Variants in CHSY3 observed in about 807,000 individuals in gnomAD.
CHSY3 encodes chondroitin sulfate synthase 3, also known as N-acetylgalactosaminyl-proteoglycan 3-beta-glucuronosyltransferase 3.
In CHSY3, 35 loss-of-function variants were observed where a neutral mutation model predicts 67.2. The observed-to-expected ratio is 0.52, with a 90% CI of 0.40 to 0.69. The LOEUF (loss-of-function observed/expected upper bound fraction) is 0.69. Among genes scored for constraint, CHSY3 ranks in the 30% least tolerant of loss-of-function variants. The pLI, the probability that CHSY3 is intolerant of heterozygous loss-of-function variation, is 0.00. For missense variants in CHSY3, 1,069 were observed against 1,138.5 expected (o/e 0.94, Z 0.88); for synonymous variants, 474 against 434.7 (o/e 1.09, Z -1.12).
Position 129,991,047 on chromosome 5 carries a change from A to G in CHSY3, c.1086+82687A>G, listed in dbSNP as rs916165548. Among the ~76,000 whole-genome samples the G allele has an allele frequency of 3.9e-5, 6 of 152,172 alleles. No individual in the cohort carries two copies. In the South Asian group the frequency reaches 8.3e-4, roughly 21 times the overall value. On this transcript the variant is annotated intron_variant, in intron 2 of 2. Transcript: ENST00000305031. ...TAGAGCACCAAGGTGAGAGATCACA[A>G]GGAGACAGAAAGTAGATCATTAGAA...
chr5:130,015,557 G>C (rs1314438238), intron 2 of CHSY3, among the ~76,000 whole-genome samples: 2 of 152,192 alleles, frequency 1.3e-5, no homozygotes, highest in African/African-American at 4.8e-5. Flanking sequence ...ACATGAGTCA[G>C]AATGCCTATT....
chr5:130,149,376 T>C (rs1769168625), intron 2 of CHSY3, among the ~76,000 whole-genome samples: 1 of 152,150 alleles, frequency 6.6e-6, no homozygotes, highest in African/African-American at 2.4e-5. Context: ...TGTAAACTTA[T>C]AATTATGGCA....
intron 2 of CHSY3, among the ~76,000 whole-genome samples, chr5:130,121,395 G>A (rs1247552035): frequency 1.3e-5 from 2 of 152,134 alleles, no homozygotes; most frequent in Non-Finnish European, 2.9e-5. Context: ...ATGATGCCAA[G>A]TAAAGGTAAA....
intron 2 of CHSY3, among the ~76,000 whole-genome samples, chr5:130,012,108 T>C (rs1225545614): frequency 6.6e-6 from 1 of 152,152 alleles, no homozygotes; most frequent in Non-Finnish European, 1.5e-5. Flanking sequence ...ATTTTAAAAT[T>C]CATGTGGATC....
chr5:129,934,933 T>C (rs1243514694), intron 2 of CHSY3, among the ~76,000 whole-genome samples: 1 of 152,142 alleles, frequency 6.6e-6, no homozygotes, highest in Non-Finnish European at 1.5e-5. Flanking sequence ...AAAGAAATTC[T>C]TGCTCAAATA....
At chr5:129,954,214 C>G (rs147326913) in intron 2 of CHSY3, among the ~76,000 whole-genome samples, 1 of 152,124 alleles carries the variant, frequency 6.6e-6, no homozygotes, top group South Asian at 2.1e-4. Context: ...CCAGTTTTCC[C>G]AACACCAGTG....
rs187478194 is a variant in CHSY3 at position 130,186,045 on chromosome 5, G to C, written c.*254G>C. On this transcript the variant is annotated 3_prime_UTR_variant, in exon 3 of 3. Transcript: ENST00000305031. ...ATTACTTTTATATAACTTTATTTGAGATTGAGTTAAATCATAGCAATCAAA... is the reference window on the plus strand; with the variant it reads ...ATTACTTTTATATAACTTTATTTGACATTGAGTTAAATCATAGCAATCAAA... The C allele has an allele frequency of 1.2e-3, 255 of 215,528 alleles. No individual in the cohort carries two copies. The highest frequency in any genetic ancestry group is 8.3e-3 in the Middle Eastern group (5 of 604). 13.4% of individuals were successfully genotyped at this position (215,528 alleles called of 1,614,324 possible).
chr5:129,985,088 T>C (rs1763145397), intron 2 of CHSY3, among the ~76,000 whole-genome samples: 1 of 152,230 alleles, frequency 6.6e-6, no homozygotes, highest in South Asian at 2.1e-4. Flanking sequence ...CATCATGAAG[T>C]CTTTGCCAGG....
At chr5:130,117,310 G>A (rs1343653477) in intron 2 of CHSY3, among the ~76,000 whole-genome samples, 1 of 152,242 alleles carries the variant, frequency 6.6e-6, no homozygotes. Flanking sequence ...TGGGATCATG[G>A]AACACTGTTG....
chr5:130,165,698 C>G lies in CHSY3; in HGVS notation c.1087-18531C>G, dbSNP rs904333953. ...ATACATGCACATATCTATGTGCACA[C>G]ATATATCTGAACACATATACAGGTA... is the stretch of plus-strand genomic sequence containing the variant. On this transcript the variant is annotated intron_variant, in intron 2 of 2. Coordinates refer to ENST00000305031, the MANE Select transcript of CHSY3 (RefSeq NM_175856.5). Among the ~76,000 whole-genome samples, 3 of 151,842 alleles carry G rather than the reference C, an allele frequency of 2.0e-5. No individual in the cohort carries two copies. In the East Asian group the frequency reaches 5.8e-4, roughly 29 times the overall value.
intron 2 of CHSY3, among the ~76,000 whole-genome samples, chr5:129,924,137 CT>C (rs1459853578): frequency 6.6e-6 from 1 of 152,034 alleles, no homozygotes; most frequent in African/African-American, 2.4e-5. Flanking sequence ...GGTTCAAACA[CT>C]AAAAAGCATA....
intron 2 of CHSY3, among the ~76,000 whole-genome samples, chr5:130,066,951 T>A (rs1339022898): frequency 6.6e-6 from 1 of 152,166 alleles, no homozygotes; most frequent in Non-Finnish European, 1.5e-5. Flanking sequence ...TTCAGTGATC[T>A]GCTAATGTAA....
intron 2 of CHSY3, among the ~76,000 whole-genome samples, chr5:130,020,437 ATATATATATATATATATATATATATTTT>A (rs1561500237): frequency 4.4e-4 from 1 of 2,252 alleles, no homozygotes; most frequent in Non-Finnish European, 1.3e-3. Context: ...ATATATATAT[ATATATATATATATATATATATATATTTT>A]TTTTTTTTTT....
At chr5:130,077,475 A>G (rs1766306024) in intron 2 of CHSY3, among the ~76,000 whole-genome samples, 1 of 152,152 alleles carries the variant, frequency 6.6e-6, no homozygotes, top group South Asian at 2.1e-4. Flanking sequence ...GAATAAATAT[A>G]GGACCTTTTC....
chr5:129,992,553 A>T (rs1763399651), intron 2 of CHSY3, among the ~76,000 whole-genome samples: 1 of 152,180 alleles, frequency 6.6e-6, no homozygotes, highest in African/African-American at 2.4e-5. Context: ...AACACATTTC[A>T]CAGATGTTAG....
chr5:129,921,040 CA>C (rs1421674364), intron 2 of CHSY3, among the ~76,000 whole-genome samples: 3 of 152,094 alleles, frequency 2.0e-5, no homozygotes, highest in Non-Finnish European at 4.4e-5. Context: ...GGCTGATCTC[CA>C]ACTCCTGAGC....
intron 2 of CHSY3, among the ~76,000 whole-genome samples, chr5:130,160,576 C>A (rs1189396232): frequency 6.6e-6 from 1 of 152,220 alleles, no homozygotes; most frequent in Non-Finnish European, 1.5e-5. Context: ...TTTGGAGATG[C>A]TTTCTGCATC....
intron 2 of CHSY3, among the ~76,000 whole-genome samples, chr5:129,926,555 GGTT>G (rs1761117187): frequency 6.6e-6 from 1 of 151,558 alleles, no homozygotes; most frequent in Non-Finnish European, 1.5e-5. Context: ...ATTCCCCTAC[GGTT>G]GTTTAAAATT....
chr5:130,124,039 C>CAAAAA (rs11297427), intron 2 of CHSY3, among the ~76,000 whole-genome samples: 58 of 58,204 alleles, frequency 1.0e-3, no homozygotes, highest in African/African-American at 1.2e-3. Context: ...GACTCCATCT[C>CAAAAA]AAAAAAAAAA....
Sources: gnomAD v4.1 joint callset for allele counts (sites outside exome capture counted in the v4.1 genomes callset) on GRCh38, gnomAD v4.1.1 for gene constraint, MANE v1.5 for transcripts, NCBI Gene and HGNC (gene_info 2026-07-23, HGNC 2026-07-21) for gene names.